PPP1R9A: variants seen among roughly 807,000 people sequenced by gnomAD.
PPP1R9A encodes the protein protein phosphatase 1 regulatory subunit 9A, also known as neurabin-1.
In PPP1R9A, 59 loss-of-function variants were observed where a neutral mutation model predicts 141.9. The observed-to-expected ratio is 0.42, with a 90% CI of 0.34 to 0.52. The LOEUF (loss-of-function observed/expected upper bound fraction) is 0.52, where lower values mean the gene tolerates loss of function less well. Ranked by LOEUF, PPP1R9A falls within the 20% of genes least tolerant of loss-of-function variation. PPP1R9A has a pLI of 0.10. For synonymous variants in PPP1R9A, 500 were observed against 569.7 expected (o/e 0.88, Z 1.74); for missense variants, 1,444 against 1,611.9 (o/e 0.90, Z 1.78).
At chr7:94,937,153 T>C (rs1794861086) in intron 2 of PPP1R9A, among the ~76,000 whole-genome samples, 1 of 152,176 alleles carries the variant, frequency 6.6e-6, no homozygotes, top group Admixed American at 6.6e-5. Flanking sequence ...TGCATCTTGA[T>C]ATATTTTGTG....
chr7:95,264,084 G>A (rs939304515), intron 12 of PPP1R9A, among the ~76,000 whole-genome samples: 2 of 152,124 alleles, frequency 1.3e-5, no homozygotes, highest in African/African-American at 4.8e-5. Flanking sequence ...CTACTCTCAT[G>A]GTAACTGTTT....
At chr7:95,021,905 A>G (rs979007852) in intron 2 of PPP1R9A, among the ~76,000 whole-genome samples, 4 of 152,132 alleles carry the variant, frequency 2.6e-5, no homozygotes, top group African/African-American at 7.2e-5. Context: ...AGGTAGCGTG[A>G]TGGCTCCAGC....
intron 9 of PPP1R9A, 146 bp from the exon 10 acceptor site, chr7:95,249,880 A>G: frequency 8.5e-7 from 1 of 1,180,416 alleles, no homozygotes. Flanking sequence ...GTGGAATTAT[A>G]AAAATAATAC....
chr7:95,171,099 TACA>T (rs1240386962), intron 5 of PPP1R9A, among the ~76,000 whole-genome samples: 1 of 151,254 alleles, frequency 6.6e-6, no homozygotes, highest in Non-Finnish European at 1.5e-5. Flanking sequence ...TAAAGAGTTA[TACA>T]ACAAGGATAA....
chr7:95,065,157 C>G (rs1339029732), intron 2 of PPP1R9A, among the ~76,000 whole-genome samples: 3 of 152,134 alleles, frequency 2.0e-5, no homozygotes, highest in Non-Finnish European at 4.4e-5. Context: ...CCTCGACCTC[C>G]TGGGCTCAAA....
Position 95,149,191 on chromosome 7 carries a change from A to C in PPP1R9A, c.1650-12676A>C, listed in dbSNP as rs192678256. ...ATGCAGAAAAAAGCATTTGACAAAA[A>C]TCATCCATTTATGAGAAAAACTCTA... On this transcript the variant is annotated intron_variant, in intron 4 of 19. Coordinates refer to ENST00000433360, the MANE Select transcript of PPP1R9A (RefSeq NM_001166160.2). 2.5e-3 allele frequency among the ~76,000 whole-genome samples: 383 copies of C among 152,228 alleles called. 3 individuals are homozygous for C. Among genetic ancestry groups the C allele is most frequent in the Admixed American group, 0.023 (353 of 15,284 alleles).
At chr7:95,153,492 T>C (rs1450258413) in intron 4 of PPP1R9A, among the ~76,000 whole-genome samples, 1 of 152,222 alleles carries the variant, frequency 6.6e-6, no homozygotes, top group Non-Finnish European at 1.5e-5. Flanking sequence ...GAAGTTCAGG[T>C]TAACTAGTAT....
chr7:95,169,863 G>C (rs1206417200), intron 5 of PPP1R9A, among the ~76,000 whole-genome samples: 4 of 151,294 alleles, frequency 2.6e-5, no homozygotes, highest in African/African-American at 9.7e-5. Flanking sequence ...ACAATTTCTG[G>C]GCATGCAAAG....
intron 4 of PPP1R9A, among the ~76,000 whole-genome samples, chr7:95,127,632 T>C (rs1468911771): frequency 1.3e-5 from 2 of 152,102 alleles, no homozygotes; most frequent in Non-Finnish European, 2.9e-5. Flanking sequence ...CTGATCATAG[T>C]ACCCAATAGT....
chr7:95,021,396 A>G (rs1174633767), intron 2 of PPP1R9A, among the ~76,000 whole-genome samples: 3 of 151,784 alleles, frequency 2.0e-5, no homozygotes, highest in Non-Finnish European at 2.9e-5. Flanking sequence ...GATAGATTGC[A>G]AAAATTTTCT....
At chr7:94,939,072 T>G (rs1271719350) in intron 2 of PPP1R9A, among the ~76,000 whole-genome samples, 2 of 152,096 alleles carry the variant, frequency 1.3e-5, no homozygotes, top group African/African-American at 4.8e-5. Context: ...TGTGATGAAA[T>G]GAATCTCAGT....
chr7:95,059,762 C>T lies in PPP1R9A; in HGVS notation c.1396-51497C>T, dbSNP rs181520785. ...AGGAACTTCGTAGCTCAATACTCTA[C>T]CACCTAGACTTGAATTTTATTTAGC... On this transcript the variant is annotated intron_variant, in intron 2 of 19. Coordinates refer to ENST00000433360, the MANE Select transcript of PPP1R9A (RefSeq NM_001166160.2). Among the ~76,000 whole-genome samples, 742 of 152,290 alleles carry T rather than the reference C, an allele frequency of 4.9e-3. 2 individuals carry two copies. The highest frequency in any genetic ancestry group is 0.017 in the African/African-American group (717 of 41,572).
chr7:95,231,345 A>T (rs1405298363), intron 8 of PPP1R9A, among the ~76,000 whole-genome samples: 1 of 152,188 alleles, frequency 6.6e-6, no homozygotes, highest in Non-Finnish European at 1.5e-5. Context: ...GGTCATCAAG[A>T]CAGAAAGTCA....
At chr7:95,154,104 T>C (rs2152677678) in intron 4 of PPP1R9A, among the ~76,000 whole-genome samples, 1 of 152,146 alleles carries the variant, frequency 6.6e-6, no homozygotes, top group Admixed American at 6.5e-5. Flanking sequence ...TTCTACTCAT[T>C]TTTAGTTGTG....
intron 2 of PPP1R9A, among the ~76,000 whole-genome samples, chr7:94,999,764 CTGAGA>C (rs1238898946): frequency 1.3e-5 from 2 of 149,508 alleles, no homozygotes; most frequent in Non-Finnish European, 3.0e-5. Context: ...CCAAAACCAG[CTGAGA>C]TATCTTATTT....
chr7:95,228,938 AAATAAAAG>A (rs1408498350), intron 8 of PPP1R9A, among the ~76,000 whole-genome samples: 1 of 152,136 alleles, frequency 6.6e-6, no homozygotes, highest in Non-Finnish European at 1.5e-5. Context: ...GGAGTGGGTT[AAATAAAAG>A]CTGCCACATG....
At chr7:95,231,165 A>C (rs752389804) in intron 8 of PPP1R9A, among the ~76,000 whole-genome samples, 2 of 152,230 alleles carry the variant, frequency 1.3e-5, no homozygotes, top group Non-Finnish European at 2.9e-5. Context: ...GAGAGAAATT[A>C]TATAATGATA....
chr7:95,109,913 G>A (rs1348876198), intron 2 of PPP1R9A, among the ~76,000 whole-genome samples: 1 of 151,916 alleles, frequency 6.6e-6, no homozygotes, highest in Non-Finnish European at 1.5e-5. Flanking sequence ...TGAATATTAT[G>A]AAAAGATAAA....
At chr7:95,268,997 AG>A (rs1222038493) in intron 13 of PPP1R9A, among the ~76,000 whole-genome samples, 2 of 152,194 alleles carry the variant, frequency 1.3e-5, no homozygotes, top group African/African-American at 2.4e-5. Flanking sequence ...TGAACGTACA[AG>A]TAATTGTTTC....
Sources: allele counts gnomAD v4.1 joint callset (sites outside exome capture counted in the v4.1 genomes callset), GRCh38; gene constraint gnomAD v4.1.1; transcripts MANE v1.5; gene names NCBI Gene and HGNC (gene_info 2026-07-23, HGNC 2026-07-21).